Variants in NLGN4Y observed in about 807,000 individuals in gnomAD.
The protein encoded by NLGN4Y is neuroligin-4, Y-linked.
A neutral mutation model predicts 8.4 loss-of-function variants in NLGN4Y; 4 were observed. That is an observed-to-expected ratio of 0.48 (90% CI 0.23 to 1.09). The LOEUF is 1.09. NLGN4Y is among the 50% of genes least tolerant of loss of function. NLGN4Y has a pLI of 0.19. For synonymous variants in NLGN4Y, 35 were observed against 75.6 expected (o/e 0.46, Z 2.78); for missense variants, 90 against 192.3 (o/e 0.47, Z 3.15).
intron 1 of NLGN4Y, among the ~76,000 whole-genome samples, chrY:14,538,297 C>T: frequency 2.9e-5 from 1 of 34,339 alleles, no homozygotes; most frequent in Non-Finnish European, 7.3e-5. Context: ...TGAAATACTT[C>T]CAATTGTTAA....
At chrY:14,838,681 G>A in intron 6 of NLGN4Y, among the ~76,000 whole-genome samples, 2 of 32,769 alleles carry the variant, frequency 6.1e-5, no homozygotes, top group African/African-American at 1.2e-4. Flanking sequence ...TATATTGGAA[G>A]AGAAGGGATA....
intron 4 of NLGN4Y, among the ~76,000 whole-genome samples, chrY:14,778,084 T>C (rs775487049): frequency 8.1e-3 from 257 of 31,535 alleles, no homozygotes; most frequent in Non-Finnish European, 0.016. Flanking sequence ...AATAACTATG[T>C]ATGTTCTTTC....
chrY:14,576,673 T>G, intron 1 of NLGN4Y, among the ~76,000 whole-genome samples: 1 of 33,576 alleles, frequency 3.0e-5, no homozygotes, highest in Non-Finnish European at 7.4e-5. Flanking sequence ...TCGCTTATGC[T>G]GGAAGCTGTG....
chrY:14,583,469 CCTTT>C (rs2080326674), intron 1 of NLGN4Y, among the ~76,000 whole-genome samples: 2 of 33,400 alleles, frequency 6.0e-5, no homozygotes, highest in African/African-American at 1.2e-4. Context: ...TAACCTTGAG[CCTTT>C]CTTCTTATTT....
intron 4 of NLGN4Y, among the ~76,000 whole-genome samples, chrY:14,729,446 T>C: frequency 3.0e-5 from 1 of 33,527 alleles, no homozygotes; most frequent in Non-Finnish European, 7.4e-5. Context: ...TGTGAATTAC[T>C]GAATGGCGTC....
intron 4 of NLGN4Y, among the ~76,000 whole-genome samples, chrY:14,819,150 CA>C (rs2043113524): frequency 9.1e-5 from 3 of 33,055 alleles, no homozygotes; most frequent in African/African-American, 3.6e-4. Context: ...GAACACAGGT[CA>C]ACAGATGTTT....
intron 4 of NLGN4Y, among the ~76,000 whole-genome samples, chrY:14,800,521 T>C (rs781471614): frequency 5.5e-4 from 17 of 30,833 alleles, no homozygotes; most frequent in Admixed American, 2.3e-3. Flanking sequence ...TGATAGATGC[T>C]AGATAGATAG....
At chrY:14,808,799 G>A (rs1314056617) in intron 4 of NLGN4Y, among the ~76,000 whole-genome samples, 2 of 34,212 alleles carry the variant, frequency 5.8e-5, no homozygotes, top group Non-Finnish European at 1.5e-4. Flanking sequence ...GCTCAGGCAA[G>A]GTGTTCAAGG....
intron 1 of NLGN4Y, among the ~76,000 whole-genome samples, chrY:14,575,842 G>T (rs2080296255): frequency 3.0e-5 from 1 of 33,423 alleles, no homozygotes; most frequent in African/African-American, 1.2e-4. Flanking sequence ...GTTGGAATTT[G>T]CTGGAGGTCC....
chrY:14,652,356 G>A (rs2080632665), intron 2 of NLGN4Y, among the ~76,000 whole-genome samples: 2 of 32,877 alleles, frequency 6.1e-5, no homozygotes, highest in African/African-American at 2.3e-4. Flanking sequence ...GTTTTTGTGT[G>A]GGAGATTTTT....
At chrY:14,644,591 T>A in intron 2 of NLGN4Y, among the ~76,000 whole-genome samples, 1 of 33,218 alleles carries the variant, frequency 3.0e-5, no homozygotes, top group Non-Finnish European at 7.4e-5. Context: ...CTAGAGATAA[T>A]ATATTGACAT....
chrY:14,608,727 CT>C (rs377766735), intron 1 of NLGN4Y, among the ~76,000 whole-genome samples: 1 of 30,829 alleles, frequency 3.2e-5, no homozygotes, highest in African/African-American at 1.3e-4. Flanking sequence ...TGTTTTTCTC[CT>C]TTTTTTTTAA....
At chrY:14,723,390 C>T in intron 4 of NLGN4Y, 121 bp downstream of exon 4, 1 of 212,927 alleles carries the variant, frequency 4.7e-6, no homozygotes. Flanking sequence ...TTCCACTTTA[C>T]GGTATTTACT....
At chrY:14,615,946 A>G (rs960047657) in intron 1 of NLGN4Y, among the ~76,000 whole-genome samples, 1 of 33,520 alleles carries the variant, frequency 3.0e-5, no homozygotes, top group Admixed American at 2.7e-4. Context: ...TGCTATCAGG[A>G]AGTTCTTGGC....
At chrY:14,569,724 C>T in intron 1 of NLGN4Y, among the ~76,000 whole-genome samples, 1 of 33,512 alleles carries the variant, frequency 3.0e-5, no homozygotes, top group African/African-American at 1.2e-4. Flanking sequence ...AAATATTTTA[C>T]GTTCTCACCA....
chrY:14,640,465 A>G, intron 2 of NLGN4Y: 1 of 54,316 alleles, frequency 1.8e-5, no homozygotes, highest in East Asian at 4.0e-4. Flanking sequence ...GAGTGTCCCA[A>G]GGGCTTTTTC....
chrY:14,600,099 CT>C (rs2080421768), intron 1 of NLGN4Y, among the ~76,000 whole-genome samples: 1 of 31,991 alleles, frequency 3.1e-5, no homozygotes, highest in African/African-American at 1.2e-4. Context: ...TCTTTCCCCC[CT>C]CTTGCTCTTT....
At chrY:14,704,230 C>G in intron 2 of NLGN4Y, among the ~76,000 whole-genome samples, 1 of 33,079 alleles carries the variant, frequency 3.0e-5, no homozygotes, top group African/African-American at 1.2e-4. Flanking sequence ...GCAACCCTGT[C>G]TTGTGCCAGT....
At chrY:14,749,690 T>G (rs2081036119) in intron 4 of NLGN4Y, among the ~76,000 whole-genome samples, 2 of 33,820 alleles carry the variant, frequency 5.9e-5, no homozygotes, top group African/African-American at 2.3e-4. Flanking sequence ...TCCATGCACC[T>G]CTTATGTAAT....
Sources: allele counts gnomAD v4.1 joint callset (sites outside exome capture counted in the v4.1 genomes callset), GRCh38; gene constraint gnomAD v4.1.1; transcripts MANE v1.5; gene names NCBI Gene and HGNC (gene_info 2026-07-23, HGNC 2026-07-21).